The following TMEM45B variants were observed in gnomAD, a reference collection of about 807,000 sequenced individuals.
TMEM45B encodes the protein transmembrane protein 45B.
Under a neutral mutation model 27.3 loss-of-function variants are expected in TMEM45B, and 29 were observed. The ratio of observed to expected loss-of-function variants is 1.06; its 90% CI spans 0.79 to 1.45. The LOEUF (loss-of-function observed/expected upper bound fraction) is 1.45, where lower values mean the gene tolerates loss of function less well. Ranked by LOEUF, TMEM45B falls within the 40% of genes most tolerant of loss-of-function variation. The pLI is 0.00. For synonymous variants in TMEM45B, 143 were observed against 134.7 expected (o/e 1.06, Z -0.43); for missense variants, 348 against 343.9 (o/e 1.01, Z -0.09).
At chr11:129,850,077 T>A (rs1241167884) in intron 1 of TMEM45B, among the ~76,000 whole-genome samples, 2 of 152,176 alleles carry the variant, frequency 1.3e-5, no homozygotes, top group Admixed American at 1.3e-4. Flanking sequence ...AGGCTGAGAA[T>A]TTTTCAGATA....
intron 1 of TMEM45B, among the ~76,000 whole-genome samples, chr11:129,838,541 CCTT>C (rs975943307): frequency 1.4e-4 from 21 of 152,254 alleles, no homozygotes; most frequent in African/African-American, 4.8e-4. Context: ...TCATGAAAAA[CCTT>C]CTAGGACAGC....
chr11:129,852,850 A>G, intron 2 of TMEM45B, 190 bp downstream of exon 2: 1 of 490,708 alleles, frequency 2.0e-6, no homozygotes. Flanking sequence ...AACGGTTGAC[A>G]GCTCTCACAT....
chr11:129,840,946 TAAAAAAAAAAA>T (rs55905045), intron 1 of TMEM45B, among the ~76,000 whole-genome samples: 1 of 29,260 alleles, frequency 3.4e-5, no homozygotes, highest in Admixed American at 4.3e-4. Context: ...TTTCTTTCTG[TAAAAAAAAAAA>T]AAAAAAAAAA....
chr11:129,855,233 C>A (rs1433032618), intron 3 of TMEM45B, among the ~76,000 whole-genome samples: 1 of 152,208 alleles, frequency 6.6e-6, no homozygotes, highest in Non-Finnish European at 1.5e-5. Context: ...CGAAACCACA[C>A]TCTACCTTTT....
chr11:129,833,619 AC>A (rs1947580829), intron 1 of TMEM45B, among the ~76,000 whole-genome samples: 1 of 152,028 alleles, frequency 6.6e-6, no homozygotes, highest in African/African-American at 2.4e-5. Context: ...TACTAAAAAT[AC>A]AAAAATTAGC....
intron 1 of TMEM45B, among the ~76,000 whole-genome samples, chr11:129,838,395 C>T (rs1170689956): frequency 6.6e-6 from 1 of 152,112 alleles, no homozygotes; most frequent in Non-Finnish European, 1.5e-5. Flanking sequence ...AATGGCTTAA[C>T]CTTGTACTAT....
intron 1 of TMEM45B, among the ~76,000 whole-genome samples, chr11:129,848,765 T>G (rs1947803861): frequency 6.6e-6 from 1 of 152,100 alleles, no homozygotes; most frequent in African/African-American, 2.4e-5. Context: ...AAGAACAAAT[T>G]TATTTCTCAC....
At chr11:129,835,462 C>T (rs144808297) in intron 1 of TMEM45B, among the ~76,000 whole-genome samples, 59 of 152,144 alleles carry the variant, frequency 3.9e-4, no homozygotes, top group African/African-American at 1.4e-3. Flanking sequence ...CCAGTTTGGA[C>T]CAAAGGAGAC....
rs193175245 is a variant in TMEM45B, at chr11:129,836,719, G to A, written c.-8-15756G>A. 8.5e-4 allele frequency among the ~76,000 whole-genome samples: 130 copies of A among 152,190 alleles called. 1 individual carries two copies. The highest frequency in any genetic ancestry group is 1.5e-3 in the Non-Finnish European group (99 of 68,024). ...GGCCATCTCCAAGCCAAGGAGAGAG[G>A]CCTCCAGAACTGAGAATATAAATGG... On this transcript the variant is annotated intron_variant, in intron 1 of 5. Transcript: ENST00000281441.
chr11:129,854,665 G>A lies in TMEM45B; in HGVS notation c.234G>A (p.Glu78=), dbSNP rs373324042. 43 of 1,614,112 alleles carry A rather than the reference G, an allele frequency of 2.7e-5. 1 individual carries two copies. The Middle Eastern group carries it at 2.5e-3, about 93-fold the overall frequency. ...GGCCCCACCTGCACCTCTACCATGA[G>A]AACCACTGGATAAAGTTAATGAATT... ...PDGPHLHLYH[E]NHWIKLMNWQ... Residue 78 remains glutamate (E), a synonymous_variant, in exon 3 of 6, where the codon GAG becomes GAA. Transcript: ENST00000281441.
At chr11:129,818,148 C>A (rs1591430820) in intron 1 of TMEM45B, among the ~76,000 whole-genome samples, 1 of 152,218 alleles carries the variant, frequency 6.6e-6, no homozygotes, top group East Asian at 1.9e-4. Flanking sequence ...TTTTAACCAG[C>A]TACCCCTCTC....
intron 1 of TMEM45B, 108 bp downstream of exon 1, chr11:129,816,006 G>A (rs1423570939): frequency 8.9e-6 from 11 of 1,233,020 alleles, no homozygotes; most frequent in Non-Finnish European, 2.0e-6. Flanking sequence ...CCGACTCGCA[G>A]GGGACCTGCG....
intron 1 of TMEM45B, among the ~76,000 whole-genome samples, chr11:129,822,715 A>G (rs1222240152): frequency 6.6e-6 from 1 of 152,102 alleles, no homozygotes; most frequent in African/African-American, 2.4e-5. Context: ...GATGTTCTCC[A>G]TGTTTTATTT....
chr11:129,859,980 G>C lies in TMEM45B; in HGVS notation c.*1295G>C, dbSNP rs1947985932. The C allele has an allele frequency of 6.6e-6, 1 of 152,604 alleles. No individual in the cohort carries two copies. Among genetic ancestry groups the C allele is most frequent in the Admixed American group, 6.5e-5 (1 of 15,276 alleles). The allele number at this position is 152,604 out of a possible 1,614,324, so 9.5% of individuals were successfully genotyped here. On this transcript the variant is annotated 3_prime_UTR_variant, in exon 6 of 6. Transcript: ENST00000281441. ...AGTTACATCCAGTGTGATGGGTGCTGAGAGGCAAGTACAAACCACGATGAG... is the reference window on the plus strand; with the variant it reads ...AGTTACATCCAGTGTGATGGGTGCTCAGAGGCAAGTACAAACCACGATGAG...
chr11:129,846,364 G>T (rs1282175337), intron 1 of TMEM45B, among the ~76,000 whole-genome samples: 1 of 152,062 alleles, frequency 6.6e-6, no homozygotes, highest in African/African-American at 2.4e-5. Flanking sequence ...CTACTCAGGA[G>T]GCTGAGGCAG....
rs1411379766 is a variant in TMEM45B at position 129,859,233 on chromosome 11, A to T, written c.*548A>T. On this transcript the variant is annotated 3_prime_UTR_variant, in exon 6 of 6. Transcript: ENST00000281441. The stretch of plus-strand genomic sequence containing the variant: ...TTTTAAAATTATTGTTAAACATATC[A>T]TAACTAATCATACCAGGGTACTGCA... 2 of 152,284 alleles carry T rather than the reference A, an allele frequency of 1.3e-5. No homozygotes were observed. The highest frequency in any genetic ancestry group is 3.8e-4 in the East Asian group (2 of 5,202). The allele number at this position is 152,284 out of a possible 1,614,324, so 9.4% of individuals were successfully genotyped here.
chr11:129,829,343 TGA>T (rs1471605253), intron 1 of TMEM45B, among the ~76,000 whole-genome samples: 3 of 152,236 alleles, frequency 2.0e-5, no homozygotes, highest in Non-Finnish European at 4.4e-5. Context: ...GGCCCATGTG[TGA>T]GTTGGTTTCT....
intron 1 of TMEM45B, among the ~76,000 whole-genome samples, chr11:129,848,451 G>A (rs369135809): frequency 6.6e-6 from 1 of 152,228 alleles, no homozygotes; most frequent in Non-Finnish European, 1.5e-5. Flanking sequence ...GCAGTGAGCC[G>A]AGATGGCAGC....
rs1172126305 is a variant in TMEM45B at position 129,859,474 on chromosome 11, G to A, written c.*789G>A. ...AATATGGCTGAAAGCAAAGGATAAC[G>A]AATTCAGAATTAGTAATGTAAAATC... is the stretch of plus-strand genomic sequence containing the variant. On this transcript the variant is annotated 3_prime_UTR_variant, in exon 6 of 6. Transcript: ENST00000281441. 3.9e-5 allele frequency: 6 copies of A among 152,214 alleles called. No individual in the cohort carries two copies. Among genetic ancestry groups the A allele is most frequent in the East Asian group, 3.9e-4 (2 of 5,172 alleles). The allele number at this position is 152,214 out of a possible 1,614,324, so 9.4% of individuals were successfully genotyped here. A position where few individuals can be genotyped will look rare whatever the true frequency, so the allele number is the denominator to read the frequency against.
Sources: allele counts gnomAD v4.1 joint callset (sites outside exome capture counted in the v4.1 genomes callset), GRCh38; gene constraint gnomAD v4.1.1; transcripts MANE v1.5; gene names NCBI Gene and HGNC (gene_info 2026-07-23, HGNC 2026-07-21).